Variants in CHAF1A observed in about 807,000 individuals in gnomAD.
CHAF1A encodes the protein CAF-1 subunit A.
In CHAF1A, 5 loss-of-function variants were observed where a neutral mutation model predicts 93.2. That is an observed-to-expected ratio of 0.05 (90% CI 0.03 to 0.11). The LOEUF is 0.11. Ranked by LOEUF, CHAF1A falls within the 10% of genes least tolerant of loss-of-function variation. The pLI is 1.00. For missense variants in CHAF1A, 1,102 were observed against 1,259.9 expected (o/e 0.87, Z 1.90); for synonymous variants, 504 against 510.3 (o/e 0.99, Z 0.17).
At chr19:4,442,072 T>C (rs1428822145) in intron 13 of CHAF1A, among the ~76,000 whole-genome samples, 173 bp from the exon 14 acceptor site, 2 of 152,204 alleles carry the variant, frequency 1.3e-5, no homozygotes, top group African/African-American at 4.8e-5. Context: ...GCCTCTTGAA[T>C]AAACCTCTCA....
At chr19:4,445,767 C>T (rs527857170), downstream of CHAF1A, 4 of 1,350,262 alleles carry the variant, frequency 3.0e-6, no homozygotes, top group South Asian at 2.8e-5. Flanking sequence ...CCCAGGCCTC[C>T]TGCCCTCTCC....
At position 4,408,907 on chromosome 19, in the gene CHAF1A, T is replaced by C. The variant is rs1973735787; in HGVS notation, c.108T>C (p.Arg36=). Residue 36 remains arginine, a synonymous_variant, in exon 3 of 15, where the codon CGT becomes CGC. Transcript: ENST00000301280. ...GGCTTTCTGTCTTTGTTTCAGCCCG[T>C]CTGCCGTTTAAGCGCCTGAATCTTG... The part of the protein sequence containing the change: ...AFPVKKLIQA[R]LPFKRLNLVP... 1.9e-6 allele frequency: 3 copies of C among 1,599,352 alleles called. No homozygotes were observed. Among genetic ancestry groups the C allele is most frequent in the Admixed American group, 1.8e-5 (1 of 55,988 alleles).
downstream of CHAF1A, chr19:4,446,283 C>G: frequency 6.4e-7 from 1 of 1,571,484 alleles, no homozygotes; most frequent in Non-Finnish European, 8.6e-7. Context: ...TGGTGCCCAC[C>G]CTGCAGGAGG....
At chr19:4,438,588 C>T (rs780140826) in intron 13 of CHAF1A, among the ~76,000 whole-genome samples, 1 of 152,192 alleles carries the variant, frequency 6.6e-6, no homozygotes, top group Non-Finnish European at 1.5e-5. Flanking sequence ...CCCTAGGACA[C>T]CTCAACTCTT....
intron 7 of CHAF1A, among the ~76,000 whole-genome samples, chr19:4,425,562 G>A (rs1974066429): frequency 6.6e-6 from 1 of 152,260 alleles, no homozygotes; most frequent in African/African-American, 2.4e-5. Context: ...GCCAGGGCTG[G>A]TCTCGACCTC....
In CHAF1A at chr19:4,442,902, A is replaced by T. The variant is rs773419009; in HGVS notation, c.2771-23A>T. On this transcript the variant is annotated intron_variant, in intron 14 of 14. Transcript: ENST00000301280. ...GCCCAGAGGGCCCAGCCAGCTCAAG[A>T]CCCTCCCTCTCTTGCCCTGCAGAGG... The T allele has an allele frequency of 4.6e-6, 7 of 1,529,954 alleles. No homozygotes were observed. The Admixed American group carries it at 1.2e-4, about 27-fold the overall frequency. The allele number at this position is 1,529,954 out of a possible 1,614,324, so 94.8% of individuals were successfully genotyped here.
downstream of CHAF1A, chr19:4,448,461 C>T (rs764009181): frequency 7.3e-6 from 11 of 1,501,390 alleles, no homozygotes; most frequent in South Asian, 7.1e-5. Flanking sequence ...GAGCCCGGGC[C>T]GCACGGCCCT....
chr19:4,435,085 TC>T (rs1974257937), intron 13 of CHAF1A, among the ~76,000 whole-genome samples: 1 of 130,862 alleles, frequency 7.6e-6, no homozygotes, highest in Non-Finnish European at 1.6e-5. Flanking sequence ...TTCTTTTTTT[TC>T]CTTTTTTTTT....
rs747750687 is a variant in CHAF1A at position 4,427,136 on chromosome 19, C to CTTTTTTTTTTTT, written c.1378-1508_1378-1497dup. Among the ~76,000 whole-genome samples, 270 of 31,948 alleles carry CTTTTTTTTTTTT rather than the reference C, an allele frequency of 8.5e-3. 55 individuals carry two copies. Among genetic ancestry groups the CTTTTTTTTTTTT allele is most frequent in the East Asian group, 0.017 (11 of 664 alleles). The allele number at this position is 31,948 out of a possible 152,430, so 21.0% of individuals were successfully genotyped here. A position where few individuals can be genotyped will look rare whatever the true frequency, so the allele number is the denominator to read the frequency against. ...GTGATCTTTCAAAAAAAGACCCTGT[C>CTTTTTTTTTTTT]TTTTTTTTTTTTTTTTTTTTTTTTT... On this transcript the variant is annotated intron_variant, in intron 7 of 14. Coordinates refer to ENST00000301280, the MANE Select transcript of CHAF1A (RefSeq NM_005483.3).
At chr19:4,446,378 G>A, downstream of CHAF1A, 3 of 1,576,762 alleles carry the variant, frequency 1.9e-6, no homozygotes, top group African/African-American at 1.3e-5. Flanking sequence ...CATGGCCTTG[G>A]TCCGCAGCAC....
intron 8 of CHAF1A, 83 bp downstream of exon 8, chr19:4,428,973 GC>G (rs1391360884): frequency 2.2e-5 from 25 of 1,139,204 alleles, no homozygotes; most frequent in Non-Finnish European, 3.1e-5. Flanking sequence ...CGGGGTGGGA[GC>G]TCTGGGTCCT....
At chr19:4,412,259 A>G (rs1214505040) in intron 3 of CHAF1A, among the ~76,000 whole-genome samples, 3 of 151,970 alleles carry the variant, frequency 2.0e-5, no homozygotes, top group Non-Finnish European at 4.4e-5. Context: ...AACGGGACAC[A>G]TGGCTGGGCG....
At chr19:4,405,336 A>G (rs373315014) in intron 1 of CHAF1A, among the ~76,000 whole-genome samples, 4 of 152,312 alleles carry the variant, frequency 2.6e-5, no homozygotes, top group South Asian at 2.1e-4. Context: ...ACCTATTAAC[A>G]TTTTGAGGCC....
chr19:4,447,040 GC>G, downstream of CHAF1A: 1 of 997,132 alleles, frequency 1.0e-6, no homozygotes, highest in Non-Finnish European at 1.5e-6. Flanking sequence ...CCTGGATGGG[GC>G]CCAGCCCTGG....
chr19:4,440,036 T>G (rs1358892492), intron 13 of CHAF1A, among the ~76,000 whole-genome samples: 3 of 152,250 alleles, frequency 2.0e-5, no homozygotes, highest in African/African-American at 4.8e-5. Context: ...GAACCCAGTC[T>G]GCCTGGCCAG....
chr19:4,428,731 G>C lies in CHAF1A; in HGVS notation c.1445G>C (p.Arg482Pro), dbSNP rs373148905. Residue 482 changes from arginine (R) to proline (P), a missense_variant, in exon 8 of 15, where the codon CGG (arginine) becomes CCG (proline). By Grantham distance (103) the Arg-to-Pro change is moderately radical. Around this residue, in one of 6 missense-constraint regions of CHAF1A, gnomAD observed 165 missense variants for 243.9 expected, o/e 0.68. Transcript: ENST00000301280. ...EIKEHMVLAP[R>P]RRTAFHPDLC... The stretch of plus-strand genomic sequence containing the variant: ...AAAGAGCACATGGTCCTGGCCCCTC[G>C]GCGTCGGACCGCTTTCCATCCAGAC... 6.8e-6 allele frequency: 11 copies of C among 1,614,130 alleles called. No homozygotes were observed. The highest frequency in any genetic ancestry group is 8.5e-6 in the Non-Finnish European group (10 of 1,180,020).
rs1403452506 is a variant in CHAF1A at position 4,443,090 on chromosome 19, C to T, written c.*65C>T. ...CCCACAGAGCAGATACTTGAACCGA[C>T]TCAATTCCTGTGTAAAGAGCACTTT... On this transcript the variant is annotated 3_prime_UTR_variant, in exon 15 of 15. Transcript: ENST00000301280. 2 of 1,062,062 alleles carry T rather than the reference C, an allele frequency of 1.9e-6. No homozygotes were observed. The highest frequency in any genetic ancestry group is 2.9e-6 in the Non-Finnish European group (2 of 699,248). 65.8% of individuals were successfully genotyped at this position (1,062,062 alleles called of 1,614,324 possible).
In CHAF1A at chr19:4,443,011, CT is replaced by C; in HGVS notation, c.2858del (p.Leu953ArgfsTer54). The C allele has an allele frequency of 6.3e-7, 1 of 1,590,738 alleles. No individual in the cohort carries two copies. The highest frequency in any genetic ancestry group is 8.6e-7 in the Non-Finnish European group (1 of 1,168,008). On this transcript the variant is annotated frameshift_variant, in exon 15 of 15. Coordinates refer to ENST00000301280, the MANE Select transcript of CHAF1A (RefSeq NM_005483.3). LOFTEE classifies it high-confidence loss of function. ...CAAGGCCACCCTGACCGCGAGCCCACTGGGTGCATCCTGAGAGCAGGGGTGA... is the reference window on the plus strand; with the variant it reads ...CAAGGCCACCCTGACCGCGAGCCCACGGGTGCATCCTGAGAGCAGGGGTGA... The part of the protein sequence containing the change: ...TGKATLTASP[L>X]GAS
chr19:4,442,502 C>T, intron 14 of CHAF1A, among the ~76,000 whole-genome samples, 161 bp downstream of exon 14: 1 of 151,752 alleles, frequency 6.6e-6, no homozygotes, highest in East Asian at 1.9e-4. Flanking sequence ...CTCGGGCGGG[C>T]TGGGCCGTGG....
Sources: allele counts gnomAD v4.1 joint callset (sites outside exome capture counted in the v4.1 genomes callset), GRCh38; gene constraint gnomAD v4.1.1; regional missense constraint gnomAD v4.1.1; transcripts MANE v1.5; gene names NCBI Gene and HGNC (gene_info 2026-07-23, HGNC 2026-07-21).